The following SLTM variants were observed in gnomAD, a reference collection of about 807,000 sequenced individuals.
The protein encoded by SLTM is SAFB-like transcription modulator.
A neutral mutation model predicts 134.6 loss-of-function variants in SLTM; 43 were observed. The ratio of observed to expected loss-of-function variants is 0.32; its 90% CI spans 0.25 to 0.41. The LOEUF (loss-of-function observed/expected upper bound fraction) is 0.41. Ranked by LOEUF, SLTM falls within the 10% of genes least tolerant of loss-of-function variation. The probability of loss-of-function intolerance (pLI) is 1.00; values close to 1 mark genes in which losing one functional copy is unlikely to be tolerated. For missense variants in SLTM, 1,055 were observed against 1,288.8 expected (o/e 0.82, Z 2.78); for synonymous variants, 424 against 432.3 (o/e 0.98, Z 0.24).
chr15:58,904,566 G>T (rs1171916718), intron 5 of SLTM, among the ~76,000 whole-genome samples: 1 of 147,254 alleles, frequency 6.8e-6, no homozygotes, highest in African/African-American at 2.5e-5. Context: ...TTTTTTTGAG[G>T]CAGAGTCTCA....
At chr15:58,931,658 C>G (rs1006699131) in intron 2 of SLTM, among the ~76,000 whole-genome samples, 1 of 152,130 alleles carries the variant, frequency 6.6e-6, no homozygotes, top group East Asian at 1.9e-4. Flanking sequence ...TTAAAAAATA[C>G]CTAAGTTCCA....
At chr15:58,885,086 G>C (rs1262432175) in intron 19 of SLTM, among the ~76,000 whole-genome samples, 2 of 152,210 alleles carry the variant, frequency 1.3e-5, no homozygotes, top group Non-Finnish European at 2.9e-5. Context: ...CAGCCTATCA[G>C]GACAACATGC....
chr15:58,897,718 T>A (rs2035194417), intron 8 of SLTM, among the ~76,000 whole-genome samples: 1 of 152,120 alleles, frequency 6.6e-6, no homozygotes, highest in South Asian at 2.1e-4. Flanking sequence ...CATTCCATAT[T>A]AGAGAATAAG....
chr15:58,891,792 G>A lies in SLTM; in HGVS notation c.1898+1105C>T, dbSNP rs140131582. The stretch of plus-strand genomic sequence containing the variant: ...AGCCATTACATTTTTTTCTTTTTTT[G>A]AAATTGTTAGTATAGCTTAAGTATG... On this transcript the variant is annotated intron_variant, in intron 14 of 20. Transcript: ENST00000380516. 9.3e-3 allele frequency among the ~76,000 whole-genome samples: 1,405 copies of A among 150,270 alleles called. 19 individuals carry two copies. The highest frequency in any genetic ancestry group is 0.032 in the African/African-American group (1,329 of 40,980).
chr15:58,927,684 G>C (rs904672211), intron 2 of SLTM, among the ~76,000 whole-genome samples: 4 of 152,198 alleles, frequency 2.6e-5, no homozygotes, highest in African/African-American at 9.6e-5. Flanking sequence ...AGGCATTACA[G>C]AGACAGAGGT....
chr15:58,913,351 TG>T, intron 4 of SLTM, 147 bp downstream of exon 4: 1 of 563,026 alleles, frequency 1.8e-6, no homozygotes, highest in Non-Finnish European at 2.9e-6. Flanking sequence ...TTGCCTAAGG[TG>T]GTAGGATTTT....
intron 20 of SLTM, among the ~76,000 whole-genome samples, chr15:58,881,617 T>C (rs1358502429): frequency 6.6e-6 from 1 of 152,112 alleles, no homozygotes; most frequent in Non-Finnish European, 1.5e-5. Flanking sequence ...TCCTGTGACC[T>C]GGAGCAGCTG....
At chr15:58,910,762 T>C (rs78817765) in intron 5 of SLTM, among the ~76,000 whole-genome samples, 76 of 144,972 alleles carry the variant, frequency 5.2e-4, no homozygotes, top group African/African-American at 1.7e-3. Context: ...TTTTTTTTTT[T>C]CAAGACAAGT....
chr15:58,918,497 T>C (rs1408300044), intron 2 of SLTM, among the ~76,000 whole-genome samples: 2 of 152,218 alleles, frequency 1.3e-5, no homozygotes, highest in African/African-American at 4.8e-5. Flanking sequence ...GGGGAAAAGA[T>C]ATGCTAGTCC....
At chr15:58,889,158 A>T in intron 16 of SLTM, 1 of 309,192 alleles carries the variant, frequency 3.2e-6, no homozygotes, top group Non-Finnish European at 6.0e-6. Flanking sequence ...AATGTTCAAA[A>T]TCTGTTTAAT....
intron 16 of SLTM, chr15:58,889,121 C>T (rs2140968444): frequency 4.1e-6 from 1 of 241,512 alleles, no homozygotes; most frequent in Non-Finnish European, 8.1e-6. Flanking sequence ...ACTTCCATTT[C>T]TATACTACCT....
At chr15:58,920,084 G>A (rs1231571142) in intron 2 of SLTM, among the ~76,000 whole-genome samples, 1 of 152,160 alleles carries the variant, frequency 6.6e-6, no homozygotes, top group Non-Finnish European at 1.5e-5. Context: ...GGGAGGCCAA[G>A]GAGGGCAGAT....
intron 2 of SLTM, among the ~76,000 whole-genome samples, chr15:58,917,580 C>G (rs1315529124): frequency 1.3e-5 from 2 of 152,114 alleles, no homozygotes; most frequent in African/African-American, 2.4e-5. Context: ...ATTTATTTCT[C>G]CAAAAGCCTA....
rs773694478 is a variant in SLTM, at chr15:58,916,938, G to A, written c.312C>T (p.Ile104=). The A allele has an allele frequency of 4.3e-6, 7 of 1,613,022 alleles. No individual in the cohort carries two copies. In the South Asian group the frequency reaches 6.6e-5, roughly 15 times the overall value. The part of the protein sequence containing the change: ...GDASVEDDAF[I]KDCELENQEA... ...ACCTGAGTAATTAACACTTTACCTT[G>A]ATAAAAGCATCATCTTCCACAGAAG... Residue 104 remains isoleucine (I), a synonymous_variant, in exon 3 of 21, where the codon ATC becomes ATT. Transcript: ENST00000380516.
chr15:58,888,322 G>A, intron 17 of SLTM, 63 bp downstream of exon 17: 1 of 1,410,316 alleles, frequency 7.1e-7, no homozygotes, highest in South Asian at 1.4e-5. Context: ...AAGATTTTAG[G>A]AGAAACAGAG....
At chr15:58,889,643 A>G in intron 15 of SLTM, 89 bp from the exon 16 acceptor site, 5 of 1,524,612 alleles carry the variant, frequency 3.3e-6, no homozygotes, top group Non-Finnish European at 4.4e-6. Flanking sequence ...TCCTGTTGCT[A>G]AGAAACCATC....
At chr15:58,905,755 CTG>C (rs1237458345) in intron 5 of SLTM, among the ~76,000 whole-genome samples, 1 of 151,210 alleles carries the variant, frequency 6.6e-6, no homozygotes, top group Non-Finnish European at 1.5e-5. Context: ...AAAAAAAAAA[CTG>C]TATTCTATTG....
chr15:58,889,894 A>G (rs1195355514), intron 15 of SLTM: 3 of 347,214 alleles, frequency 8.6e-6, no homozygotes, highest in African/African-American at 6.3e-5. Flanking sequence ...CTGAGGTGCA[A>G]TTCTGCAAAG....
At chr15:58,918,821 T>G (rs2036824301) in intron 2 of SLTM, among the ~76,000 whole-genome samples, 1 of 151,896 alleles carries the variant, frequency 6.6e-6, no homozygotes, top group African/African-American at 2.4e-5. Flanking sequence ...TATGTTGCCC[T>G]AAAATCTAAA....
Sources: gnomAD v4.1 joint callset for allele counts (sites outside exome capture counted in the v4.1 genomes callset) on GRCh38, gnomAD v4.1.1 for gene constraint, MANE v1.5 for transcripts, NCBI Gene and HGNC (gene_info 2026-07-23, HGNC 2026-07-21) for gene names.